TLE3: variants seen among roughly 807,000 people sequenced by gnomAD.
TLE3 encodes the protein TLE family member 3, transcriptional corepressor.
A neutral mutation model predicts 93.0 loss-of-function variants in TLE3; 14 were observed. The observed-to-expected ratio is 0.15, with a 90% CI of 0.10 to 0.24. The LOEUF is 0.24. Ranked by LOEUF, TLE3 falls within the 10% of genes least tolerant of loss-of-function variation. The pLI, the probability that TLE3 is intolerant of heterozygous loss-of-function variation, is 1.00. For missense variants in TLE3, 693 were observed against 1,046.6 expected (o/e 0.66, Z 4.66); for synonymous variants, 451 against 425.0 (o/e 1.06, Z -0.75).
chr15:70,088,428 T>G (rs184132733), intron 4 of TLE3, among the ~76,000 whole-genome samples: 45 of 152,268 alleles, frequency 3.0e-4, no homozygotes, highest in Admixed American at 1.6e-3. Context: ...TTTTTAAATA[T>G]GTATTTTGAA....
chr15:70,095,305 AAC>A, intron 3 of TLE3: 1 of 1,352,694 alleles, frequency 7.4e-7, no homozygotes, highest in Non-Finnish European at 9.5e-7. Flanking sequence ...AAACTTTCAA[AAC>A]ACAAATTAAA....
chr15:70,048,274 CG>C lies in TLE3; in HGVS notation c.*1822del, dbSNP rs1390759061. 2.0e-5 allele frequency: 3 copies of C among 151,868 alleles called. No individual in the cohort carries two copies. The highest frequency in any genetic ancestry group is 4.4e-5 in the Non-Finnish European group (3 of 67,954). The allele number at this position is 151,868 out of a possible 1,614,324, so 9.4% of individuals were successfully genotyped here. ...AATGACTTTTCATTCTTTTTTTCTT[CG>C]GGAATAACTTTCTTCTACCCTCACC... On this transcript the variant is annotated 3_prime_UTR_variant, in exon 20 of 20. Transcript: ENST00000451782.
intron 4 of TLE3, among the ~76,000 whole-genome samples, chr15:70,082,639 C>T (rs147651805): frequency 1.3e-5 from 2 of 152,320 alleles, no homozygotes; most frequent in Admixed American, 6.5e-5. Flanking sequence ...CTGCTGAATT[C>T]TTTATGCTGG....
intron 7 of TLE3, 31 bp downstream of exon 7, chr15:70,065,983 C>CCCCCCCCCCCAA: frequency 2.0e-6 from 3 of 1,466,190 alleles, no homozygotes; most frequent in Non-Finnish European, 2.9e-6. Context: ...ACCCCTGCCC[C>CCCCCCCCCCCAA]GCCCCACCCT....
intron 4 of TLE3, among the ~76,000 whole-genome samples, chr15:70,077,778 G>A (rs2141848923): frequency 1.3e-5 from 2 of 152,366 alleles, no homozygotes; most frequent in East Asian, 3.9e-4. Context: ...CTCAGGAACA[G>A]AGTCAGTGTT....
chr15:70,088,462 A>G (rs1349070480), intron 4 of TLE3, among the ~76,000 whole-genome samples: 1 of 152,234 alleles, frequency 6.6e-6, no homozygotes, highest in East Asian at 1.9e-4. Context: ...CCAAAAGAAG[A>G]AAGGAAAAGG....
intron 9 of TLE3, among the ~76,000 whole-genome samples, chr15:70,059,880 G>A (rs1034057799): frequency 6.6e-6 from 1 of 152,194 alleles, no homozygotes; most frequent in Non-Finnish European, 1.5e-5. Context: ...ATAGTAACTT[G>A]CCTCCTCTCA....
intron 16 of TLE3, chr15:70,053,605 G>A (rs1032721457): frequency 6.7e-6 from 2 of 296,738 alleles, no homozygotes; most frequent in Non-Finnish European, 1.2e-5. Context: ...CCTGGGAAAT[G>A]GGGGGGGGAG....
chr15:70,071,276 A>T (rs2057142745), intron 6 of TLE3, among the ~76,000 whole-genome samples: 1 of 152,172 alleles, frequency 6.6e-6, no homozygotes, highest in Admixed American at 6.5e-5. Context: ...TACTGTAACC[A>T]AGTCTTGCCA....
At chr15:70,079,399 T>C (rs377379255) in intron 4 of TLE3, 6 of 435,116 alleles carry the variant, frequency 1.4e-5, no homozygotes, top group South Asian at 4.8e-5. Flanking sequence ...TGGGCTTACG[T>C]TGGGAGAACC....
At position 70,097,420 on chromosome 15, in the gene TLE3, A is replaced by C; in HGVS notation, c.-622T>G. The C allele has an allele frequency of 2.4e-6, 1 of 411,626 alleles. No homozygotes were observed. Among genetic ancestry groups the C allele is most frequent in the Non-Finnish European group, 4.3e-6 (1 of 233,886 alleles). The allele number at this position is 411,626 out of a possible 1,614,324, so 25.5% of individuals were successfully genotyped here. A position where few individuals can be genotyped will look rare whatever the true frequency, so the allele number is the denominator to read the frequency against. ...GGCGCTTCGACGCCCCCCCTCGGAGAGGAGAGCCTGCTGTTCCGTCTGCTA... is the reference window on the plus strand; with the variant it reads ...GGCGCTTCGACGCCCCCCCTCGGAGCGGAGAGCCTGCTGTTCCGTCTGCTA... On this transcript the variant is annotated 5_prime_UTR_variant, in exon 1 of 20. Coordinates refer to ENST00000451782, the MANE Select transcript of TLE3 (RefSeq NM_001105192.3).
intron 3 of TLE3, chr15:70,094,906 C>T: frequency 3.7e-6 from 1 of 268,118 alleles, no homozygotes; most frequent in Non-Finnish European, 7.1e-6. Context: ...CTCTTGTCCT[C>T]TGAGAGTTAT....
chr15:70,079,808 T>C (rs749598467), intron 4 of TLE3, among the ~76,000 whole-genome samples: 46 of 152,088 alleles, frequency 3.0e-4, no homozygotes, highest in Admixed American at 8.5e-4. Context: ...GCATCCACAA[T>C]AACCCCGCGG....
intron 7 of TLE3, among the ~76,000 whole-genome samples, chr15:70,065,528 G>C (rs1268863333): frequency 6.6e-6 from 1 of 152,262 alleles, no homozygotes; most frequent in Non-Finnish European, 1.5e-5. Flanking sequence ...ATAGATGTAA[G>C]GAAAACACCC....
chr15:70,096,072 GC>G, intron 2 of TLE3, 88 bp downstream of exon 2: 1 of 1,422,072 alleles, frequency 7.0e-7, no homozygotes, highest in Non-Finnish European at 9.5e-7. Flanking sequence ...TAGGTCGGGA[GC>G]CCCCTCCGTC....
rs979037565 is a variant in TLE3, at chr15:70,058,075, G to A, written c.1051+84C>T. The A allele has an allele frequency of 1.3e-5, 21 of 1,594,544 alleles. No homozygotes were observed. The highest frequency in any genetic ancestry group is 3.5e-5 in the Admixed American group (2 of 57,790). The stretch of plus-strand genomic sequence containing the variant: ...ACACTGCCTGTGCTCTATCCCATGC[G>A]TGTGTGTCACCCCTGCCCTGGCCAA... On this transcript the variant is annotated intron_variant, in intron 12 of 19. Transcript: ENST00000451782. The surrounding 1 kb of genome is among the most constrained non-coding windows in gnomAD (Gnocchi z 4.1).
chr15:70,054,376 C>T, intron 16 of TLE3, 62 bp downstream of exon 16: 1 of 1,564,054 alleles, frequency 6.4e-7, no homozygotes, highest in Non-Finnish European at 8.7e-7. Flanking sequence ...CAAACAAGAC[C>T]AGGCAGGATG....
intron 3 of TLE3, among the ~76,000 whole-genome samples, chr15:70,095,066 G>T (rs1415461484): frequency 1.3e-5 from 2 of 152,200 alleles, no homozygotes; most frequent in Admixed American, 1.3e-4. Context: ...GATCCCTGAG[G>T]AGGGGAGTGG....
intron 15 of TLE3, 108 bp from the exon 16 acceptor site, chr15:70,054,793 C>G: frequency 7.2e-7 from 1 of 1,395,380 alleles, no homozygotes; most frequent in South Asian, 1.5e-5. Context: ...CTTACAGCCT[C>G]CCCCTATACC....
Sources: gnomAD v4.1 joint callset for allele counts (sites outside exome capture counted in the v4.1 genomes callset) on GRCh38, gnomAD v4.1.1 for gene constraint, Gnocchi (gnomAD v3.1) non-coding constraint, MANE v1.5 for transcripts, NCBI Gene and HGNC (gene_info 2026-07-23, HGNC 2026-07-21) for gene names.